MYO1E: variants seen among roughly 807,000 people sequenced by gnomAD.
MYO1E encodes myosin IE, also known as unconventional myosin-Ie.
MYO1E carries 68 observed loss-of-function variants against 151.1 expected under a neutral mutation model. The observed-to-expected ratio is 0.45, with a 90% CI of 0.37 to 0.55. The LOEUF (loss-of-function observed/expected upper bound fraction) is 0.55. Ranked by LOEUF, MYO1E falls within the 20% of genes least tolerant of loss-of-function variation. The pLI, the probability that MYO1E is intolerant of heterozygous loss-of-function variation, is 0.00. For missense variants in MYO1E, 1,363 were observed against 1,389.3 expected, an observed-to-expected ratio of 0.98 and a Z score of 0.30; for synonymous variants, 601 against 501.7, an observed-to-expected ratio of 1.20 and a Z score of -2.64.
At chr15:59,258,506 G>T (rs1465840364) in intron 3 of MYO1E, among the ~76,000 whole-genome samples, 1 of 152,220 alleles carries the variant, frequency 6.6e-6, no homozygotes, top group Non-Finnish European at 1.5e-5. Flanking sequence ...TGGCAGAAAA[G>T]TAGGTTATAG....
At chr15:59,362,416 T>C (rs1219244772) in intron 1 of MYO1E, among the ~76,000 whole-genome samples, 1 of 152,218 alleles carries the variant, frequency 6.6e-6, no homozygotes, top group East Asian at 1.9e-4. Context: ...GGAATGTTTA[T>C]TTGTTATTAT....
intron 4 of MYO1E, among the ~76,000 whole-genome samples, chr15:59,243,270 G>A (rs1339935223): frequency 6.6e-6 from 1 of 152,044 alleles, no homozygotes; most frequent in Non-Finnish European, 1.5e-5. Flanking sequence ...ACATAGTCTA[G>A]ACGATGAGAA....
At chr15:59,149,496 G>C (rs927710925) in intron 26 of MYO1E, among the ~76,000 whole-genome samples, 3 of 152,160 alleles carry the variant, frequency 2.0e-5, no homozygotes, top group African/African-American at 7.2e-5. Context: ...ATCTCTCAGT[G>C]TTTCCTGGAG....
intron 17 of MYO1E, among the ~76,000 whole-genome samples, chr15:59,190,460 C>T (rs528950925): frequency 1.3e-5 from 2 of 152,324 alleles, no homozygotes; most frequent in South Asian, 4.1e-4. Context: ...CAAAAACCAC[C>T]ATTTCCAATT....
intron 4 of MYO1E, among the ~76,000 whole-genome samples, 165 bp from the exon 5 acceptor site, chr15:59,236,837 A>G (rs2080069813): frequency 6.6e-6 from 1 of 152,236 alleles, no homozygotes; most frequent in South Asian, 2.1e-4. Flanking sequence ...AAGGCAAGTT[A>G]CAGCAGGATT....
chr15:59,166,951 G>C (rs2079566492), intron 22 of MYO1E, among the ~76,000 whole-genome samples: 1 of 152,198 alleles, frequency 6.6e-6, no homozygotes, highest in Non-Finnish European at 1.5e-5. Flanking sequence ...TCCAGAATGA[G>C]AGGAGCTTCC....
At chr15:59,193,048 A>G (rs2079743496) in intron 17 of MYO1E, among the ~76,000 whole-genome samples, 1 of 76,310 alleles carries the variant, frequency 1.3e-5, no homozygotes, top group Non-Finnish European at 2.3e-5. Context: ...ACTTAGTGAT[A>G]GGTCAGCACC....
chr15:59,223,318 A>C, intron 8 of MYO1E, 127 bp from the exon 9 acceptor site: 1 of 882,700 alleles, frequency 1.1e-6, no homozygotes. Context: ...TTACAAAGAA[A>C]AAAAAAAAAA....
chr15:59,246,881 T>G (rs2080133483), intron 4 of MYO1E, among the ~76,000 whole-genome samples: 1 of 152,236 alleles, frequency 6.6e-6, no homozygotes, highest in African/African-American at 2.4e-5. Flanking sequence ...TTCTGTTAAC[T>G]AAGTCTGTGC....
intron 6 of MYO1E, 133 bp from the exon 7 acceptor site, chr15:59,227,723 G>C: frequency 1.6e-6 from 2 of 1,238,958 alleles, no homozygotes; most frequent in African/African-American, 1.5e-5. Flanking sequence ...CCTAATTTGA[G>C]TCTAGACTTC....
chr15:59,170,098 T>C (rs1160745299), intron 22 of MYO1E, among the ~76,000 whole-genome samples: 1 of 152,086 alleles, frequency 6.6e-6, no homozygotes, highest in Non-Finnish European at 1.5e-5. Flanking sequence ...GAGGCAGAAG[T>C]TGCAGTGAGC....
chr15:59,236,695 T>A, intron 4 of MYO1E, 23 bp from the exon 5 acceptor site: 1 of 1,586,808 alleles, frequency 6.3e-7, no homozygotes, highest in Non-Finnish European at 8.7e-7. Flanking sequence ...AGACAAAGAA[T>A]CCACCTGAGA....
At chr15:59,225,846 CTG>C (rs1370727553) in intron 7 of MYO1E, among the ~76,000 whole-genome samples, 1 of 152,140 alleles carries the variant, frequency 6.6e-6, no homozygotes, top group East Asian at 1.9e-4. Flanking sequence ...CAGGGTTTCA[CTG>C]TGTTAGCCAG....
intron 26 of MYO1E, among the ~76,000 whole-genome samples, chr15:59,152,329 C>A (rs777718398): frequency 6.6e-6 from 1 of 152,208 alleles, no homozygotes; most frequent in African/African-American, 2.4e-5. Flanking sequence ...ATTTTGCATT[C>A]ATACCTCCTG....
chr15:59,319,382 A>G (rs567658638), intron 1 of MYO1E, among the ~76,000 whole-genome samples: 1 of 152,040 alleles, frequency 6.6e-6, no homozygotes, highest in Non-Finnish European at 1.5e-5. Context: ...TCTACCTTGA[A>G]AAGAAAATAA....
chr15:59,206,814 C>A, intron 14 of MYO1E: 5 of 937,672 alleles, frequency 5.3e-6, no homozygotes, highest in South Asian at 3.5e-5. Flanking sequence ...CAGTAGAGGG[C>A]CAGGGGGCGG....
At chr15:59,215,208 T>A (rs182579241) in intron 10 of MYO1E, among the ~76,000 whole-genome samples, 1,716 of 152,280 alleles carry the variant, frequency 0.011, 23 homozygotes, top group East Asian at 0.062. Flanking sequence ...GGGTGAGCTA[T>A]CTGCAGATAG....
chr15:59,236,790 AAAG>A, intron 4 of MYO1E, 118 bp from the exon 5 acceptor site: 1 of 1,012,554 alleles, frequency 9.9e-7, no homozygotes, highest in Non-Finnish European at 1.5e-6. Context: ...AACAGGCAGA[AAAG>A]AATTTTTTTT....
rs536332741 is a variant in MYO1E, at chr15:59,272,140, G to C, written c.147+166C>G. ...GTTTTTATTTTTATTTTTTATAATA[G>C]AGATGGGGTCTCCCTGTGTTGCCAG... On this transcript the variant is annotated intron_variant, in intron 2 of 27. Coordinates refer to ENST00000288235, the MANE Select transcript of MYO1E (RefSeq NM_004998.4). 186 of 699,564 alleles carry C rather than the reference G, an allele frequency of 2.7e-4. 1 individual carries two copies. In the South Asian group the frequency reaches 3.0e-3, roughly 11 times the overall value. 43.3% of individuals were successfully genotyped at this position (699,564 alleles called of 1,614,324 possible).
Sources: allele counts gnomAD v4.1 joint callset (sites outside exome capture counted in the v4.1 genomes callset), GRCh38; gene constraint gnomAD v4.1.1; transcripts MANE v1.5; gene names NCBI Gene and HGNC (gene_info 2026-07-23, HGNC 2026-07-21).